Variants in PTH2R observed in about 807,000 individuals in gnomAD.
PTH2R encodes the protein parathyroid hormone 2 receptor.
A neutral mutation model predicts 60.3 loss-of-function variants in PTH2R; 59 were observed. The ratio of observed to expected loss-of-function variants is 0.98; its 90% CI spans 0.79 to 1.22. The LOEUF (loss-of-function observed/expected upper bound fraction) is 1.22, where lower values mean the gene tolerates loss of function less well. PTH2R is among the 50% of genes most tolerant of loss of function. PTH2R has a pLI of 0.00. For synonymous variants in PTH2R, 256 were observed against 243.8 expected (o/e 1.05, Z -0.47); for missense variants, 749 against 682.6 (o/e 1.10, Z -1.08).
intron 9 of PTH2R, among the ~76,000 whole-genome samples, chr2:208,464,684 A>G (rs1026000614): frequency 6.6e-6 from 1 of 152,110 alleles, no homozygotes; most frequent in African/African-American, 2.4e-5. Context: ...GGCTTGGGCA[A>G]GTTTTAAAAA....
chr2:208,443,081 T>C (rs1702218748), intron 5 of PTH2R, among the ~76,000 whole-genome samples: 1 of 152,214 alleles, frequency 6.6e-6, no homozygotes, highest in African/African-American at 2.4e-5. Flanking sequence ...ATAACATCTA[T>C]TTACATAGCA....
intron 1 of PTH2R, among the ~76,000 whole-genome samples, chr2:208,377,756 G>A (rs1352598404): frequency 2.0e-5 from 3 of 148,568 alleles, no homozygotes; most frequent in East Asian, 2.0e-4. Flanking sequence ...GGGCAGAGGC[G>A]CTCCTCACAT....
At position 208,437,642 on chromosome 2, in the gene PTH2R, A is replaced by G. The variant is rs537038849; in HGVS notation, c.284A>G (p.His95Arg). Reference protein sequence around the residue: ...PCPPYIYDFNHKGVAFRHCNP... With the variant: ...PCPPYIYDFNRKGVAFRHCNP... The stretch of plus-strand genomic sequence containing the variant: ...CCTCCTTATATTTATGACTTCAACC[A>G]TAAAGGTATTGAATTTTTCTAAAAT... The change falls in exon 3 of 13, where the codon CAT becomes CGT. Residue 95 changes from histidine (H) to arginine (R), a missense_variant. Coordinates refer to ENST00000272847, the MANE Select transcript of PTH2R (RefSeq NM_005048.4). 2.5e-6 allele frequency: 4 copies of G among 1,610,898 alleles called. No homozygotes were observed. The highest frequency in any genetic ancestry group is 2.2e-5 in the South Asian group (2 of 90,102).
chr2:208,368,914 A>G (rs555630190), intron 1 of PTH2R, among the ~76,000 whole-genome samples: 1 of 152,210 alleles, frequency 6.6e-6, no homozygotes, highest in Non-Finnish European at 1.5e-5. Flanking sequence ...ATGTATTGCA[A>G]TCAAATTCTG....
chr2:208,414,533 A>G (rs1410595685), intron 1 of PTH2R, among the ~76,000 whole-genome samples: 2 of 151,894 alleles, frequency 1.3e-5, no homozygotes, highest in African/African-American at 4.8e-5. Context: ...GTCCTTTGTC[A>G]GCTAATGAGG....
intron 1 of PTH2R, among the ~76,000 whole-genome samples, chr2:208,408,104 G>C (rs577725892): frequency 6.6e-6 from 1 of 152,226 alleles, no homozygotes; most frequent in African/African-American, 2.4e-5. Context: ...ACTTAAAGGG[G>C]ATTTCTAGGC....
intron 1 of PTH2R, among the ~76,000 whole-genome samples, chr2:208,415,636 T>C (rs1701625783): frequency 6.6e-6 from 1 of 152,232 alleles, no homozygotes; most frequent in Admixed American, 6.5e-5. Context: ...ATTGTGTTTA[T>C]TATTCAGTGA....
At position 208,372,315 on chromosome 2, in the gene PTH2R, T is replaced by G. The variant is rs542232129; in HGVS notation, c.-259+12078T>G. On this transcript the variant is annotated intron_variant, in intron 1 of 12. Transcript: ENST00000617735. ...TGTCATTTGAAAGATTAAAGAATAT[T>G]TCCCAGAAAGGATGCTTGGTCAAGC... Among the ~76,000 whole-genome samples the G allele has an allele frequency of 3.7e-4, 57 of 152,204 alleles. 1 individual carries two copies. Among genetic ancestry groups the G allele is most frequent in the African/African-American group, 1.3e-3 (55 of 41,474 alleles).
At chr2:208,403,517 A>G (rs554727333), upstream of PTH2R, among the ~76,000 whole-genome samples, 6 of 152,344 alleles carry the variant, frequency 3.9e-5, no homozygotes, top group East Asian at 9.7e-4. Flanking sequence ...TGATCTAACA[A>G]TTAATGAAAT....
At chr2:208,444,473 G>A (rs889466853) in intron 6 of PTH2R, among the ~76,000 whole-genome samples, 8 of 152,060 alleles carry the variant, frequency 5.3e-5, no homozygotes, top group African/African-American at 1.9e-4. Context: ...TTTTTATAAA[G>A]TGAAAAAATT....
At chr2:208,420,865 T>G (rs1189167863) in intron 1 of PTH2R, among the ~76,000 whole-genome samples, 1 of 152,206 alleles carries the variant, frequency 6.6e-6, no homozygotes, top group Non-Finnish European at 1.5e-5. Context: ...AAGTTGCATG[T>G]GATCACCACC....
Position 208,494,414 on chromosome 2 carries a change from C to T in PTH2R, c.*755C>T, listed in dbSNP as rs1224150158. 6.6e-6 allele frequency: 1 copy of T among 152,162 alleles called. No individual in the cohort carries two copies. Among genetic ancestry groups the T allele is most frequent in the South Asian group, 2.1e-4 (1 of 4,826 alleles). The allele number at this position is 152,162 out of a possible 1,614,324, so 9.4% of individuals were successfully genotyped here. A position where few individuals can be genotyped will look rare whatever the true frequency, so the allele number is the denominator to read the frequency against. ...TTTTGTTTGTAATGTATTTTGATAG[C>T]AAATCATGCTGCATCTATATCTTTT... On this transcript the variant is annotated 3_prime_UTR_variant, in exon 13 of 13. Transcript: ENST00000272847.
chr2:208,397,003 G>C (rs1210863068), intron 1 of PTH2R, among the ~76,000 whole-genome samples: 1 of 152,154 alleles, frequency 6.6e-6, no homozygotes, highest in Non-Finnish European at 1.5e-5. Flanking sequence ...TATGTCCTTT[G>C]CCGGGACATG....
At chr2:208,388,133 C>CCT (rs763189447) in intron 1 of PTH2R, among the ~76,000 whole-genome samples, 1 of 874 alleles carries the variant, frequency 1.1e-3, no homozygotes, top group African/African-American at 2.8e-3. Context: ...CATGGTGAAA[C>CCT]CCCCCCCCCC....
At chr2:208,453,567 T>C (rs1337640611) in intron 8 of PTH2R, among the ~76,000 whole-genome samples, 1 of 152,236 alleles carries the variant, frequency 6.6e-6, no homozygotes, top group Non-Finnish European at 1.5e-5. Context: ...TTCCCTGTTT[T>C]ACAGTAGATA....
chr2:208,388,354 A>C (rs933551396), intron 1 of PTH2R, among the ~76,000 whole-genome samples: 1 of 152,056 alleles, frequency 6.6e-6, no homozygotes, highest in African/African-American at 2.4e-5. Context: ...TCACGCTTCA[A>C]TGGCATCGAT....
intron 6 of PTH2R, 65 bp from the exon 7 acceptor site, chr2:208,444,669 C>T: frequency 1.3e-6 from 2 of 1,485,810 alleles, no homozygotes; most frequent in Non-Finnish European, 1.8e-6. Flanking sequence ...TTTTAGTGGT[C>T]TAATGTTGGC....
chr2:208,490,777 A>T (rs1703387006), intron 12 of PTH2R, 97 bp downstream of exon 12: 1 of 1,191,970 alleles, frequency 8.4e-7, no homozygotes, highest in Admixed American at 2.6e-5. Context: ...GATTTCCAGG[A>T]TGGAATGGGT....
chr2:208,446,746 T>C (rs552361959), intron 7 of PTH2R, among the ~76,000 whole-genome samples: 1 of 152,224 alleles, frequency 6.6e-6, no homozygotes, highest in Non-Finnish European at 1.5e-5. Context: ...GAAGTACATA[T>C]CAAAATCTGT....
Sources: allele counts gnomAD v4.1 joint callset (sites outside exome capture counted in the v4.1 genomes callset), GRCh38; gene constraint gnomAD v4.1.1; transcripts MANE v1.5; gene names NCBI Gene and HGNC (gene_info 2026-07-23, HGNC 2026-07-21).